Variants in ARHGEF37 observed in about 807,000 individuals in gnomAD.
ARHGEF37 encodes Rho guanine nucleotide exchange factor 37.
A neutral mutation model predicts 71.1 loss-of-function variants in ARHGEF37; 55 were observed. The ratio of observed to expected loss-of-function variants is 0.77; its 90% CI spans 0.62 to 0.97. The LOEUF (loss-of-function observed/expected upper bound fraction) is 0.97, where lower values mean the gene tolerates loss of function less well. Among genes scored for constraint, ARHGEF37 ranks in the 50% least tolerant of loss-of-function variants. The pLI, the probability that ARHGEF37 is intolerant of heterozygous loss-of-function variation, is 0.00. For synonymous variants in ARHGEF37, 327 were observed against 350.6 expected (o/e 0.93, Z 0.75); for missense variants, 765 against 836.8 (o/e 0.91, Z 1.06).
At position 149,601,212 on chromosome 5, in the gene ARHGEF37, G is replaced by C. The variant is rs754706750; in HGVS notation, c.291G>C (p.Glu97Asp). The change falls in exon 3 of 13, where the codon GAG becomes GAC. Residue 97 changes from glutamate to aspartate, a missense_variant. This residue lies in a region of ARHGEF37 where 201 missense variants were observed against 217.5 expected (regional missense o/e 0.92). Coordinates refer to ENST00000333677, the MANE Select transcript of ARHGEF37 (RefSeq NM_001001669.3). ...TGCAGGAGACAGCCTCCAAGGAAGAGGAACAAGTGCAGCTAGTTGGTAAGC... is the reference window on the plus strand; with the variant it reads ...TGCAGGAGACAGCCTCCAAGGAAGACGAACAAGTGCAGCTAGTTGGTAAGC... The part of the protein sequence containing the change: ...HDLQETASKE[E>D]EQVQLVGNIF... The C allele has an allele frequency of 8.7e-6, 14 of 1,612,518 alleles. No homozygotes were observed. Among genetic ancestry groups the C allele is most frequent in the Admixed American group, 8.3e-5 (5 of 59,966 alleles).
At chr5:149,564,710 G>A (rs1762879106) in intron 1 of ARHGEF37, among the ~76,000 whole-genome samples, 1 of 152,128 alleles carries the variant, frequency 6.6e-6, no homozygotes, top group South Asian at 2.1e-4. Flanking sequence ...TGTAATCCCA[G>A]CTACTCAAGA....
At chr5:149,572,545 C>A (rs1318916228) in intron 1 of ARHGEF37, among the ~76,000 whole-genome samples, 24 of 152,202 alleles carry the variant, frequency 1.6e-4, no homozygotes. Flanking sequence ...ACCAAGCTGA[C>A]AAGTGATGGA....
chr5:149,564,230 ATTTATACAGTGC>A (rs1404123689), intron 1 of ARHGEF37, among the ~76,000 whole-genome samples: 1 of 151,970 alleles, frequency 6.6e-6, no homozygotes. Flanking sequence ...GTGCTTTAAT[ATTTATACAGTGC>A]TTTATACAAT....
At chr5:149,591,919 T>G (rs573118645) in intron 1 of ARHGEF37, among the ~76,000 whole-genome samples, 28 of 152,354 alleles carry the variant, frequency 1.8e-4, no homozygotes, top group African/African-American at 6.7e-4. Flanking sequence ...ATTTTTTACT[T>G]ATACATTTTT....
Position 149,624,016 on chromosome 5 carries a change from CCCA to C in ARHGEF37, c.1348_1350del (p.His450del), listed in dbSNP as rs1341774486. ...ACAGTGTCTGTCCCCACTTAGCTGC[CCCA>C]CCACCACGTCCCAGAGCCTGCCTTC... is the stretch of plus-strand genomic sequence containing the variant. On this transcript the variant is annotated inframe_deletion, in exon 10 of 13. Transcript: ENST00000333677. 4 of 1,596,280 alleles carry C rather than the reference CCCA, an allele frequency of 2.5e-6. No individual in the cohort carries two copies. The highest frequency in any genetic ancestry group is 3.4e-5 in the Admixed American group (2 of 59,608).
At chr5:149,580,308 C>A (rs1021052439), upstream of ARHGEF37, among the ~76,000 whole-genome samples, 1 of 152,082 alleles carries the variant, frequency 6.6e-6, no homozygotes, top group Non-Finnish European at 1.5e-5. Flanking sequence ...ATCTGCCCCC[C>A]CCTCAGCTTC....
At chr5:149,568,734 C>T (rs1252356199) in intron 1 of ARHGEF37, among the ~76,000 whole-genome samples, 1 of 150,946 alleles carries the variant, frequency 6.6e-6, no homozygotes, top group Non-Finnish European at 1.5e-5. Context: ...ATCGCTGGCA[C>T]CTGGGAGGCA....
At chr5:149,589,573 C>G (rs193196098) in intron 1 of ARHGEF37, among the ~76,000 whole-genome samples, 1 of 152,120 alleles carries the variant, frequency 6.6e-6, no homozygotes, top group Non-Finnish European at 1.5e-5. Flanking sequence ...GATCTCAGCT[C>G]GCTGCAACCT....
In ARHGEF37 at chr5:149,554,647, GT is replaced by G. The variant is rs111671134; in HGVS notation, c.-12+2539del. On this transcript the variant is annotated intron_variant, in intron 1 of 2. Coordinates refer to the ARHGEF37 transcript ENST00000505810. ...TATTGGATTTAAGAATGGCAAAATT[GT>G]TTTTTTTTTTTTTTACATAGAAAAT... Among the ~76,000 whole-genome samples, 1,264 of 137,484 alleles carry G rather than the reference GT, an allele frequency of 9.2e-3. 18 individuals are homozygous for G. The highest frequency in any genetic ancestry group is 0.027 in the African/African-American group (1,019 of 37,988). The allele number at this position is 137,484 out of a possible 152,430, so 90.2% of individuals were successfully genotyped here.
chr5:149,566,093 G>A (rs1384107106), intron 1 of ARHGEF37, among the ~76,000 whole-genome samples: 3 of 151,280 alleles, frequency 2.0e-5, no homozygotes, highest in Non-Finnish European at 3.0e-5. Context: ...TGATCCACCC[G>A]CCTTGGCCGC....
rs1182300018 is a variant in ARHGEF37 at position 149,634,737 on chromosome 5, A to G, written c.*2546A>G. On this transcript the variant is annotated 3_prime_UTR_variant, in exon 13 of 13. Coordinates refer to ENST00000333677, the MANE Select transcript of ARHGEF37 (RefSeq NM_001001669.3). ...ACTAAACTTGCAAAGATATTTGCCT[A>G]TGAACTGAACAAGACTTCCAGGAGT... The G allele has an allele frequency of 6.6e-6, 1 of 152,626 alleles. No homozygotes were observed. The highest frequency in any genetic ancestry group is 1.5e-5 in the Non-Finnish European group (1 of 68,032). The allele number at this position is 152,626 out of a possible 1,614,324, so 9.5% of individuals were successfully genotyped here. A position where few individuals can be genotyped will look rare whatever the true frequency, so the allele number is the denominator to read the frequency against.
In ARHGEF37 at chr5:149,621,882, C is replaced by A. The variant is rs749680482; in HGVS notation, c.1155C>A (p.Thr385=). 1.2e-6 allele frequency: 2 copies of A among 1,614,238 alleles called. No individual in the cohort carries two copies. The highest frequency in any genetic ancestry group is 2.2e-5 in the South Asian group (2 of 91,086). ...AGCTGCTGGAGGTGGGCAGTGTGAC[C>A]TACCAGGAGGAGGCCGCCCGGCACA... The part of the protein sequence containing the change: ...EEKLLEVGSV[T]YQEEAARHTY... Residue 385 remains threonine, a synonymous_variant, in exon 9 of 13, where the codon ACC becomes ACA. Coordinates refer to ENST00000333677, the MANE Select transcript of ARHGEF37 (RefSeq NM_001001669.3).
chr5:149,598,803 T>C (rs1222394330), intron 2 of ARHGEF37, among the ~76,000 whole-genome samples: 1 of 147,804 alleles, frequency 6.8e-6, no homozygotes, highest in Non-Finnish European at 1.5e-5. Flanking sequence ...TATATAGATA[T>C]ATATATGTGT....
chr5:149,563,200 A>T (rs1762858612), intron 1 of ARHGEF37, among the ~76,000 whole-genome samples: 2 of 152,120 alleles, frequency 1.3e-5, no homozygotes, highest in Non-Finnish European at 2.9e-5. Flanking sequence ...TTCCTGCTTC[A>T]TCAGTGTTCA....
At chr5:149,595,375 C>G (rs1763516471) in intron 1 of ARHGEF37, among the ~76,000 whole-genome samples, 1 of 151,900 alleles carries the variant, frequency 6.6e-6, no homozygotes, top group African/African-American at 2.4e-5. Flanking sequence ...GAGACGAAAT[C>G]TCACTATGTT....
intron 1 of ARHGEF37, among the ~76,000 whole-genome samples, chr5:149,588,704 T>C (rs1531233): frequency 0.26 from 39,100 of 151,560 alleles, 5,439 homozygotes; most frequent in Admixed American, 0.41. Flanking sequence ...TTTTCCTTTT[T>C]CCCCCCTTCC....
chr5:149,591,093 T>C (rs1730346451), intron 1 of ARHGEF37, among the ~76,000 whole-genome samples: 1 of 151,918 alleles, frequency 6.6e-6, no homozygotes, highest in South Asian at 2.1e-4. Context: ...ACAGAGTCTC[T>C]CTCTGATGCC....
chr5:149,613,915 C>T (rs1049955935), intron 4 of ARHGEF37, among the ~76,000 whole-genome samples: 2 of 151,944 alleles, frequency 1.3e-5, no homozygotes, highest in Non-Finnish European at 2.9e-5. Context: ...AGGTGTGTGC[C>T]ACCACACCTG....
At chr5:149,613,939 A>G (rs1488893032) in intron 4 of ARHGEF37, among the ~76,000 whole-genome samples, 1 of 150,972 alleles carries the variant, frequency 6.6e-6, no homozygotes, top group Non-Finnish European at 1.5e-5. Context: ...CATTTTTTGT[A>G]TTTTTGTAGA....
Sources: gnomAD v4.1 joint callset for allele counts (sites outside exome capture counted in the v4.1 genomes callset) on GRCh38, gnomAD v4.1.1 for gene constraint, gnomAD v4.1.1 regional missense constraint, MANE v1.5 for transcripts, NCBI Gene and HGNC (gene_info 2026-07-23, HGNC 2026-07-21) for gene names.